The following GOLIM4 variants were observed in gnomAD, a reference collection of about 807,000 sequenced individuals.
GOLIM4 encodes the protein golgi integral membrane protein 4.
GOLIM4 carries 71 observed loss-of-function variants against 107.4 expected under a neutral mutation model. The ratio of observed to expected loss-of-function variants is 0.66; its 90% CI spans 0.55 to 0.81. GOLIM4 has a LOEUF of 0.81. GOLIM4 is among the 30% of genes least tolerant of loss of function. The pLI, the probability that GOLIM4 is intolerant of heterozygous loss-of-function variation, is 0.00. For synonymous variants in GOLIM4, 327 were observed against 294.8 expected, an observed-to-expected ratio of 1.11 and a Z score of -1.12; for missense variants, 830 against 826.1, an observed-to-expected ratio of 1.00 and a Z score of -0.06.
chr3:168,090,874 T>C (rs1721872332), intron 1 of GOLIM4, among the ~76,000 whole-genome samples: 1 of 152,158 alleles, frequency 6.6e-6, no homozygotes, highest in Non-Finnish European at 1.5e-5. Flanking sequence ...TGCAGCAACA[T>C]GGATGGACCT....
At chr3:168,041,044 A>C (rs888681573) in intron 6 of GOLIM4, 175 bp from the exon 7 acceptor site, 12 of 522,760 alleles carry the variant, frequency 2.3e-5, no homozygotes, top group Non-Finnish European at 4.1e-5. Context: ...GTAGTATTCC[A>C]AAATCTAAAA....
chr3:168,017,788 T>A (rs1463363579), intron 14 of GOLIM4, among the ~76,000 whole-genome samples: 1 of 152,246 alleles, frequency 6.6e-6, no homozygotes, highest in African/African-American at 2.4e-5. Flanking sequence ...CATTTCAATT[T>A]CTTTATGAAA....
At chr3:168,046,599 G>A (rs919992982) in intron 3 of GOLIM4, among the ~76,000 whole-genome samples, 2 of 152,204 alleles carry the variant, frequency 1.3e-5, no homozygotes, top group African/African-American at 4.8e-5. Flanking sequence ...GAAAACTCTA[G>A]GCCAGGTCCT....
intron 1 of GOLIM4, among the ~76,000 whole-genome samples, chr3:168,078,102 T>G (rs1026761517): frequency 3.3e-5 from 5 of 152,132 alleles, no homozygotes; most frequent in African/African-American, 1.2e-4. Flanking sequence ...TTACTACTTT[T>G]GAATACCAAT....
At chr3:168,034,104 G>A (rs1440912411) in intron 8 of GOLIM4, among the ~76,000 whole-genome samples, 1 of 152,108 alleles carries the variant, frequency 6.6e-6, no homozygotes, top group African/African-American at 2.4e-5. Flanking sequence ...ATAAACTGGG[G>A]AGAAAAGTCC....
chr3:168,040,429 C>G (rs892481286), intron 7 of GOLIM4, among the ~76,000 whole-genome samples: 6 of 152,160 alleles, frequency 3.9e-5, no homozygotes, highest in African/African-American at 1.4e-4. Context: ...TTTTAGGTAG[C>G]TAGCAGCATA....
At chr3:168,019,912 T>C (rs974650860) in intron 14 of GOLIM4, among the ~76,000 whole-genome samples, 3 of 152,020 alleles carry the variant, frequency 2.0e-5, no homozygotes, top group Non-Finnish European at 4.4e-5. Context: ...CATCATTCAT[T>C]GATGACTGTT....
At chr3:168,065,388 CTA>C (rs1720497242) in intron 1 of GOLIM4, among the ~76,000 whole-genome samples, 2 of 152,158 alleles carry the variant, frequency 1.3e-5, no homozygotes, top group Non-Finnish European at 2.9e-5. Flanking sequence ...CAAAAGAAGA[CTA>C]TTTTTTATCT....
At chr3:168,044,722 A>C (rs1412615250) in intron 4 of GOLIM4, 106 bp downstream of exon 4, 1 of 681,652 alleles carries the variant, frequency 1.5e-6, no homozygotes, top group Non-Finnish European at 2.5e-6. Context: ...TTACAATACA[A>C]ATCAACTTCT....
intron 1 of GOLIM4, among the ~76,000 whole-genome samples, chr3:168,082,222 A>T (rs927331540): frequency 2.0e-5 from 3 of 152,176 alleles, no homozygotes; most frequent in Non-Finnish European, 2.9e-5. Context: ...AAGGATCCCA[A>T]CTTGAAAATG....
intron 11 of GOLIM4, among the ~76,000 whole-genome samples, chr3:168,028,639 A>G (rs1271699641): frequency 6.6e-6 from 1 of 152,236 alleles, no homozygotes; most frequent in Non-Finnish European, 1.5e-5. Flanking sequence ...CATGGCGGAC[A>G]TAAGGAAAAC....
chr3:168,048,455 G>A (rs764913302), intron 1 of GOLIM4, 90 bp from the exon 2 acceptor site: 7 of 664,978 alleles, frequency 1.1e-5, no homozygotes, highest in South Asian at 8.7e-5. Context: ...AGAAAACAGT[G>A]TAGAGTCTTT....
At chr3:168,086,857 G>A (rs949520559) in intron 1 of GOLIM4, among the ~76,000 whole-genome samples, 4 of 152,154 alleles carry the variant, frequency 2.6e-5, no homozygotes, top group African/African-American at 7.2e-5. Context: ...AAATAGCAAT[G>A]CCCATTTCTT....
chr3:168,051,380 T>G (rs559603758), intron 1 of GOLIM4, among the ~76,000 whole-genome samples: 1 of 152,206 alleles, frequency 6.6e-6, no homozygotes, highest in Non-Finnish European at 1.5e-5. Context: ...ATTTACATAT[T>G]TGACATATTA....
chr3:168,039,047 C>T (rs929150835), intron 7 of GOLIM4, among the ~76,000 whole-genome samples: 1 of 152,232 alleles, frequency 6.6e-6, no homozygotes, highest in Non-Finnish European at 1.5e-5. Context: ...GACTTCCAGT[C>T]TCCAGAACTG....
intron 1 of GOLIM4, among the ~76,000 whole-genome samples, chr3:168,087,400 T>A (rs1486488069): frequency 6.6e-6 from 1 of 152,152 alleles, no homozygotes; most frequent in African/African-American, 2.4e-5. Flanking sequence ...AGCATCAGAC[T>A]GAGAATTTCT....
intron 1 of GOLIM4, among the ~76,000 whole-genome samples, chr3:168,055,229 C>T (rs1030242978): frequency 2.6e-5 from 4 of 152,078 alleles, no homozygotes; most frequent in Admixed American, 6.6e-5. Flanking sequence ...CAGAAGAAGA[C>T]AGAAAGATGT....
chr3:168,058,874 A>G (rs975855682), intron 1 of GOLIM4, among the ~76,000 whole-genome samples: 10 of 152,350 alleles, frequency 6.6e-5, no homozygotes, highest in Non-Finnish European at 1.2e-4. Context: ...TTAGATATCT[A>G]TAAATAGAAC....
At chr3:168,045,026 G>C (rs566206664) in intron 3 of GOLIM4, 145 bp from the exon 4 acceptor site, 110 of 533,740 alleles carry the variant, frequency 2.1e-4, no homozygotes, top group Non-Finnish European at 3.1e-4. Flanking sequence ...GATGTCGCTG[G>C]AGCCATCGAT....
Sources: allele counts gnomAD v4.1 joint callset (sites outside exome capture counted in the v4.1 genomes callset), GRCh38; gene constraint gnomAD v4.1.1; transcripts MANE v1.5; gene names NCBI Gene and HGNC (gene_info 2026-07-23, HGNC 2026-07-21).